The following GRXCR2 variants were observed in gnomAD, a reference collection of about 807,000 sequenced individuals.
The protein encoded by GRXCR2 is glutaredoxin domain-containing cysteine-rich protein 2.
In GRXCR2, 23 loss-of-function variants were observed where a neutral mutation model predicts 24.8. The ratio of observed to expected loss-of-function variants is 0.93; its 90% CI spans 0.67 to 1.32. The LOEUF (loss-of-function observed/expected upper bound fraction) is 1.32. GRXCR2 is among the 40% of genes most tolerant of loss of function. GRXCR2 has a pLI of 0.00. For missense variants in GRXCR2, 315 were observed against 303.4 expected, an observed-to-expected ratio of 1.04 and a Z score of -0.28; for synonymous variants, 130 against 116.1, an observed-to-expected ratio of 1.12 and a Z score of -0.77.
At chr5:145,911,925 C>CA (rs1757172238) in intron 2 of GRXCR2, among the ~76,000 whole-genome samples, 1 of 152,050 alleles carries the variant, frequency 6.6e-6, no homozygotes, top group African/African-American at 2.4e-5. Flanking sequence ...CCCATCTGTA[C>CA]AAAAAATACA....
chr5:145,872,801 C>T lies in GRXCR2; in HGVS notation c.168G>A (p.Glu56=). 4 of 1,614,224 alleles carry T rather than the reference C, an allele frequency of 2.5e-6. No individual in the cohort carries two copies. Among genetic ancestry groups the T allele is most frequent in the Non-Finnish European group, 3.4e-6 (4 of 1,180,030 alleles). ...KEEYPHSFLQ[E]SLETMDGVYG... ...AAACACCATCCATTGTTTCAAGAGA[C>T]TCTTGCAGAAAACTGTGAGGGTATT... The change falls in exon 1 of 3, where the codon GAG becomes GAA. Residue 56 remains glutamate, a synonymous_variant. Transcript: ENST00000377976.
rs143511967 is a variant in GRXCR2, at chr5:145,888,184, G to A, written c.-69-21456C>T. ...GACTCTGCCACCTGCAGGGAGGAGA[G>A]GGAACTCAGGCTGCATCACGGAATG... On this transcript the variant is annotated intron_variant, in intron 2 of 3. Coordinates refer to the GRXCR2 transcript ENST00000639411. Among the ~76,000 whole-genome samples, 972 of 152,302 alleles carry A rather than the reference G, an allele frequency of 6.4e-3. 3 individuals are homozygous for A. Among genetic ancestry groups the A allele is most frequent in the Non-Finnish European group, 0.011 (765 of 68,038 alleles).
intron 2 of GRXCR2, among the ~76,000 whole-genome samples, chr5:145,898,301 C>G (rs542118621): frequency 1.3e-3 from 202 of 150,674 alleles, no homozygotes; most frequent in Middle Eastern, 3.4e-3. Context: ...AAAAAAAAAG[C>G]CTACCAACCA....
chr5:145,877,991 T>G (rs1440895040), upstream of GRXCR2, among the ~76,000 whole-genome samples: 1 of 151,988 alleles, frequency 6.6e-6, no homozygotes. Context: ...CAGAAAGAAA[T>G]AGCACCAACA....
At chr5:145,889,197 A>AAAGAAAGAAAGG (rs1756824482) in intron 2 of GRXCR2, among the ~76,000 whole-genome samples, 3 of 148,214 alleles carry the variant, frequency 2.0e-5, no homozygotes, top group Non-Finnish European at 3.0e-5. Flanking sequence ...AGAAAGAAAG[A>AAAGAAAGAAAGG]AAGAAAGAAA....
intron 2 of GRXCR2, among the ~76,000 whole-genome samples, chr5:145,902,591 G>A (rs559375373): frequency 6.6e-6 from 1 of 152,168 alleles, no homozygotes; most frequent in African/African-American, 2.4e-5. Context: ...CCAACCAGAG[G>A]GGGTAGATGT....
chr5:145,921,661 A>T (rs1447852850), intron 2 of GRXCR2, among the ~76,000 whole-genome samples: 1 of 152,220 alleles, frequency 6.6e-6, no homozygotes, highest in Admixed American at 6.5e-5. Flanking sequence ...TAATAATGTT[A>T]TGAATGGCTT....
At chr5:145,915,748 G>A (rs62393675) in intron 2 of GRXCR2, among the ~76,000 whole-genome samples, 2 of 125,590 alleles carry the variant, frequency 1.6e-5, no homozygotes, top group South Asian at 5.0e-4. Flanking sequence ...AAAAAAAAAG[G>A]AAGAAGAAGG....
At chr5:145,925,417 G>C (rs1757379398) in intron 2 of GRXCR2, among the ~76,000 whole-genome samples, 1 of 152,154 alleles carries the variant, frequency 6.6e-6, no homozygotes, top group Admixed American at 6.6e-5. Flanking sequence ...GGAAGTACTT[G>C]TTACTGATTG....
At chr5:145,911,711 T>C (rs1418937298) in intron 2 of GRXCR2, among the ~76,000 whole-genome samples, 1 of 152,106 alleles carries the variant, frequency 6.6e-6, no homozygotes, top group African/African-American at 2.4e-5. Flanking sequence ...TTTAATTCGT[T>C]CAGAAGGGAC....
At chr5:145,919,474 C>A (rs553991058) in intron 2 of GRXCR2, among the ~76,000 whole-genome samples, 2 of 152,260 alleles carry the variant, frequency 1.3e-5, no homozygotes, top group East Asian at 3.9e-4. Flanking sequence ...TGACCCCAGC[C>A]CCTCCATTCT....
intron 2 of GRXCR2, among the ~76,000 whole-genome samples, chr5:145,900,718 G>A (rs1352951721): frequency 6.6e-6 from 1 of 152,198 alleles, no homozygotes; most frequent in Non-Finnish European, 1.5e-5. Context: ...AGCCACTGTG[G>A]AAAGCAGTTT....
chr5:145,911,715 A>G (rs539615652), intron 2 of GRXCR2, among the ~76,000 whole-genome samples: 1 of 152,278 alleles, frequency 6.6e-6, no homozygotes, highest in East Asian at 1.9e-4. Flanking sequence ...ATTCGTTCAG[A>G]AGGGACACAT....
At chr5:145,864,576 T>C (rs532278375) in intron 2 of GRXCR2, among the ~76,000 whole-genome samples, 3 of 152,210 alleles carry the variant, frequency 2.0e-5, no homozygotes, top group African/African-American at 7.2e-5. Flanking sequence ...GATAAGTGAG[T>C]TCTCACCAGA....
chr5:145,888,939 C>T (rs776259370), intron 2 of GRXCR2, among the ~76,000 whole-genome samples: 99 of 152,014 alleles, frequency 6.5e-4, no homozygotes, highest in African/African-American at 2.2e-3. Context: ...TTTGGGAGGC[C>T]GAGGTGGGCA....
intron 2 of GRXCR2, among the ~76,000 whole-genome samples, chr5:145,919,365 A>G (rs1264093706): frequency 6.6e-6 from 1 of 152,210 alleles, no homozygotes; most frequent in Non-Finnish European, 1.5e-5. Context: ...TGCATATCTA[A>G]TTAACCCTCA....
At chr5:145,882,620 C>T (rs1394049461) in intron 2 of GRXCR2, among the ~76,000 whole-genome samples, 4 of 152,158 alleles carry the variant, frequency 2.6e-5, no homozygotes, top group Non-Finnish European at 2.9e-5. Flanking sequence ...GTGGCGATTC[C>T]TCAAGGATCT....
Position 145,918,078 on chromosome 5 carries a change from G to A in GRXCR2, c.-70+17623C>T, listed in dbSNP as rs115561478. Among the ~76,000 whole-genome samples the A allele has an allele frequency of 6.4e-3, 976 of 152,190 alleles. 9 individuals carry two copies. The highest frequency in any genetic ancestry group is 0.022 in the African/African-American group (918 of 41,528). On this transcript the variant is annotated intron_variant, in intron 2 of 3. Coordinates refer to the GRXCR2 transcript ENST00000639411. The stretch of plus-strand genomic sequence containing the variant: ...TAGGCGTGAGCCACTGTGCTCGGCC[G>A]GCTGAACTCATTAGTCCTCATTACT...
chr5:145,866,715 A>G lies in GRXCR2; in HGVS notation c.350T>C (p.Ile117Thr), dbSNP rs777060343. ...GTAGATGATTATCTTTCCAAAATCTATAATAGGTAGGGGCTAGAGAAATGG... is the reference window on the plus strand; with the variant it reads ...GTAGATGATTATCTTTCCAAAATCTGTAATAGGTAGGGGCTAGAGAAATGG... ...KANDHKPLPIIDFGKIIIYTN... is the reference protein window; with the variant it reads ...KANDHKPLPITDFGKIIIYTN... Residue 117 changes from isoleucine to threonine, a missense_variant, in exon 2 of 3, where the codon ATA (isoleucine) becomes ACA (threonine). Coordinates refer to ENST00000377976, the MANE Select transcript of GRXCR2 (RefSeq NM_001080516.2). 1.9e-6 allele frequency: 3 copies of G among 1,605,072 alleles called. No individual in the cohort carries two copies. The highest frequency in any genetic ancestry group is 2.2e-5 in the South Asian group (2 of 90,832).
Sources: allele counts gnomAD v4.1 joint callset (sites outside exome capture counted in the v4.1 genomes callset), GRCh38; gene constraint gnomAD v4.1.1; transcripts MANE v1.5; gene names NCBI Gene and HGNC (gene_info 2026-07-23, HGNC 2026-07-21).